The following EYS variants were observed in gnomAD, a reference collection of about 807,000 sequenced individuals.
EYS encodes EGF-like photoreceptor maintenance factor.
Under a neutral mutation model 282.1 loss-of-function variants are expected in EYS, and 250 were observed. The observed-to-expected ratio is 0.89, with a 90% CI of 0.80 to 0.98. The LOEUF is 0.98. EYS is among the 50% of genes least tolerant of loss of function. The pLI, the probability that EYS is intolerant of heterozygous loss-of-function variation, is 0.00. For synonymous variants in EYS, 1,355 were observed against 1,282.9 expected (o/e 1.06, Z -1.20); for missense variants, 4,016 against 3,709.0 (o/e 1.08, Z -2.15).
At chr6:63,973,465 G>C (rs1435198335) in intron 35 of EYS, among the ~76,000 whole-genome samples, 3 of 152,116 alleles carry the variant, frequency 2.0e-5, no homozygotes, top group Non-Finnish European at 4.4e-5. Flanking sequence ...CTAGGAGAGA[G>C]AGCATTGAAT....
At position 65,029,473 on chromosome 6, in the gene EYS, T is replaced by C. The variant is rs148374783; in HGVS notation, c.2137+28141A>G. ...ATAAACCATTGACCCTTGAACAGCA[T>C]AGGTTTAAATGACATGGGTCTATTT... On this transcript the variant is annotated intron_variant, in intron 13 of 42. Coordinates refer to ENST00000503581, the MANE Select transcript of EYS (RefSeq NM_001142800.2). Among the ~76,000 whole-genome samples the C allele has an allele frequency of 1.1e-3, 162 of 152,222 alleles. 1 individual carries two copies. The highest frequency in any genetic ancestry group is 3.8e-3 in the African/African-American group (156 of 41,524).
intron 5 of EYS, among the ~76,000 whole-genome samples, chr6:65,482,503 A>G (rs1009516636): frequency 6.6e-6 from 1 of 152,200 alleles, no homozygotes; most frequent in Non-Finnish European, 1.5e-5. Flanking sequence ...TTAAAGTTCA[A>G]TTATTAAAAA....
rs924826245 is a variant in EYS at position 64,191,941 on chromosome 6, A to T, written c.6424+38651T>A. 3.4e-5 allele frequency among the ~76,000 whole-genome samples: 5 copies of T among 147,920 alleles called. 1 individual carries two copies. Among genetic ancestry groups the T allele is most frequent in the Non-Finnish European group, 7.5e-5 (5 of 66,784 alleles). ...AATGGTTGAACTAGTTTACAGTCCC[A>T]CCAACAGTGTAAAAGTGTTCCTATT... On this transcript the variant is annotated intron_variant, in intron 31 of 42. Transcript: ENST00000503581.
chr6:63,861,209 T>C (rs1772522816), intron 36 of EYS, among the ~76,000 whole-genome samples: 1 of 148,410 alleles, frequency 6.7e-6, no homozygotes, highest in Non-Finnish European at 1.5e-5. Context: ...CTATTCTTTT[T>C]CATGGCACCA....
intron 36 of EYS, among the ~76,000 whole-genome samples, chr6:63,839,259 T>C (rs1047476136): frequency 2.6e-5 from 4 of 152,184 alleles, no homozygotes; most frequent in Admixed American, 1.3e-4. Context: ...TTCTACTTTA[T>C]AGTTTTATGA....
chr6:64,705,242 A>G (rs1583061826), intron 22 of EYS, among the ~76,000 whole-genome samples: 2 of 152,312 alleles, frequency 1.3e-5, no homozygotes, highest in Admixed American at 6.5e-5. Context: ...CTGCCAAAAA[A>G]TATAATAAAA....
At chr6:63,867,327 A>G (rs1415400959) in intron 35 of EYS, among the ~76,000 whole-genome samples, 1 of 152,188 alleles carries the variant, frequency 6.6e-6, no homozygotes, top group African/African-American at 2.4e-5. Flanking sequence ...TCATCCCTAA[A>G]TTTTTAAAAA....
At chr6:64,347,319 G>C (rs1227451362) in intron 29 of EYS, among the ~76,000 whole-genome samples, 1 of 151,340 alleles carries the variant, frequency 6.6e-6, no homozygotes, top group Non-Finnish European at 1.5e-5. Context: ...ATGATATTAA[G>C]AAATTATTAT....
intron 35 of EYS, among the ~76,000 whole-genome samples, chr6:63,889,183 T>C (rs1276006410): frequency 6.6e-6 from 1 of 152,132 alleles, no homozygotes; most frequent in Non-Finnish European, 1.5e-5. Context: ...CTGAAAGTTA[T>C]GGGGAGAAGG....
chr6:64,072,296 C>T (rs1304402564), intron 32 of EYS, among the ~76,000 whole-genome samples: 1 of 151,784 alleles, frequency 6.6e-6, no homozygotes, highest in Non-Finnish European at 1.5e-5. Flanking sequence ...TTCAACTGTA[C>T]AATGAGCAAA....
intron 34 of EYS, among the ~76,000 whole-genome samples, chr6:63,991,906 C>G (rs1359722108): frequency 2.6e-5 from 4 of 151,652 alleles, no homozygotes; most frequent in African/African-American, 9.7e-5. Context: ...TCCACAGAAA[C>G]CTTGCACATC....
intron 28 of EYS, among the ~76,000 whole-genome samples, chr6:64,394,610 C>A (rs1244355022): frequency 2.0e-5 from 3 of 151,828 alleles, no homozygotes; most frequent in Non-Finnish European, 4.4e-5. Flanking sequence ...CCCTTCCTTA[C>A]ACCTTATACA....
intron 12 of EYS, among the ~76,000 whole-genome samples, chr6:65,101,994 AG>A (rs1774907677): frequency 6.6e-6 from 1 of 151,304 alleles, no homozygotes; most frequent in Non-Finnish European, 1.5e-5. Flanking sequence ...TTTATCTAGG[AG>A]TATACCACAT....
chr6:64,419,134 C>G (rs1315581701), intron 28 of EYS, among the ~76,000 whole-genome samples: 1 of 152,120 alleles, frequency 6.6e-6, no homozygotes, highest in Non-Finnish European at 1.5e-5. Context: ...TATAGACGAT[C>G]ATAAGTAGCT....
rs181829096 is a variant in EYS at position 65,064,504 on chromosome 6, A to T, written c.2024-6777T>A. ...ATATAGTATATATAATATATAATAT[A>T]GTATAATATATGTACTATATACTAA... On this transcript the variant is annotated intron_variant, in intron 12 of 42. Coordinates refer to ENST00000503581, the MANE Select transcript of EYS (RefSeq NM_001142800.2). Among the ~76,000 whole-genome samples, 13 of 147,014 alleles carry T rather than the reference A, an allele frequency of 8.8e-5. No individual in the cohort carries two copies. In the East Asian group the frequency reaches 2.6e-3, roughly 29 times the overall value.
At chr6:64,538,364 T>G (rs1297812633) in intron 26 of EYS, among the ~76,000 whole-genome samples, 2 of 152,224 alleles carry the variant, frequency 1.3e-5, no homozygotes, top group African/African-American at 4.8e-5. Context: ...GATTTCTGAA[T>G]TGATCATTGG....
At chr6:64,588,960 C>G (rs1208698912) in intron 26 of EYS, among the ~76,000 whole-genome samples, 1 of 151,832 alleles carries the variant, frequency 6.6e-6, no homozygotes, top group Non-Finnish European at 1.5e-5. Flanking sequence ...TTAAAAAGAC[C>G]AAATTTTAGG....
intron 5 of EYS, among the ~76,000 whole-genome samples, chr6:65,488,125 G>A (rs1367135879): frequency 6.6e-6 from 1 of 152,002 alleles, no homozygotes; most frequent in Non-Finnish European, 1.5e-5. Flanking sequence ...CAAAAAACCA[G>A]CTCCTGGATT....
At chr6:64,226,729 C>T (rs1766263073) in intron 31 of EYS, among the ~76,000 whole-genome samples, 1 of 152,066 alleles carries the variant, frequency 6.6e-6, no homozygotes, top group Non-Finnish European at 1.5e-5. Context: ...TTAAATCAAA[C>T]TAATTCTATA....
Sources: allele counts gnomAD v4.1 joint callset (sites outside exome capture counted in the v4.1 genomes callset), GRCh38; gene constraint gnomAD v4.1.1; transcripts MANE v1.5; gene names NCBI Gene and HGNC (gene_info 2026-07-23, HGNC 2026-07-21).